EPHA6: variants seen among roughly 807,000 people sequenced by gnomAD.
EPHA6 encodes ephrin type-A receptor 6.
A neutral mutation model predicts 112.0 loss-of-function variants in EPHA6; 50 were observed. The observed-to-expected ratio is 0.45, with a 90% CI of 0.36 to 0.56. The LOEUF is 0.56. EPHA6 is among the 20% of genes least tolerant of loss of function. The probability of loss-of-function intolerance (pLI) is 0.00; values close to 1 mark genes in which losing one functional copy is unlikely to be tolerated. For synonymous variants in EPHA6, 529 were observed against 490.7 expected (o/e 1.08, Z -1.03); for missense variants, 1,280 against 1,417.4 (o/e 0.90, Z 1.56).
intron 3 of EPHA6, among the ~76,000 whole-genome samples, chr3:97,093,540 A>C (rs926316114): frequency 6.6e-6 from 1 of 151,862 alleles, no homozygotes; most frequent in African/African-American, 2.4e-5. Context: ...ACACAGGAAG[A>C]CTCCGTCTCA....
At chr3:97,328,039 A>G (rs1371713952) in intron 5 of EPHA6, among the ~76,000 whole-genome samples, 4 of 97,988 alleles carry the variant, frequency 4.1e-5, no homozygotes, top group Non-Finnish European at 7.9e-5. Context: ...GTGTATATAT[A>G]CACACATATA....
At chr3:97,307,915 T>C (rs931972435) in intron 5 of EPHA6, among the ~76,000 whole-genome samples, 1 of 151,744 alleles carries the variant, frequency 6.6e-6, no homozygotes, top group Non-Finnish European at 1.5e-5. Flanking sequence ...ATATTTATCA[T>C]AGACAACATA....
At chr3:97,262,929 A>T (rs1452058518) in intron 5 of EPHA6, among the ~76,000 whole-genome samples, 4 of 152,196 alleles carry the variant, frequency 2.6e-5, no homozygotes, top group Non-Finnish European at 5.9e-5. Context: ...ATAAGTGAAT[A>T]TTCCTTGAAA....
At chr3:97,173,759 A>G (rs544623318) in intron 3 of EPHA6, among the ~76,000 whole-genome samples, 3 of 151,892 alleles carry the variant, frequency 2.0e-5, no homozygotes, top group Admixed American at 1.3e-4. Flanking sequence ...TTAAGTGCAA[A>G]CATGTAAGAG....
intron 2 of EPHA6, among the ~76,000 whole-genome samples, chr3:96,964,563 A>G (rs2042055446): frequency 6.6e-6 from 1 of 152,070 alleles, no homozygotes; most frequent in Non-Finnish European, 1.5e-5. Flanking sequence ...TCTTTGTTAT[A>G]CGATCTGTGT....
intron 14 of EPHA6, among the ~76,000 whole-genome samples, chr3:97,642,420 A>G (rs1211739473): frequency 6.9e-6 from 1 of 144,838 alleles, no homozygotes; most frequent in East Asian, 2.0e-4. Context: ...CTCACCAGCA[A>G]CGGAACAAAG....
chr3:97,126,639 G>A (rs1407355532), intron 3 of EPHA6, among the ~76,000 whole-genome samples: 2 of 151,534 alleles, frequency 1.3e-5, no homozygotes, highest in African/African-American at 4.9e-5. Flanking sequence ...ACTTCTACTA[G>A]GTTCTTATGA....
At chr3:96,893,328 T>C (rs2038085061) in intron 2 of EPHA6, among the ~76,000 whole-genome samples, 1 of 152,210 alleles carries the variant, frequency 6.6e-6, no homozygotes, top group Admixed American at 6.5e-5. Context: ...GTGTATCATG[T>C]TATGTGGACA....
At chr3:97,585,524 T>C (rs2093479600) in intron 11 of EPHA6, among the ~76,000 whole-genome samples, 1 of 152,192 alleles carries the variant, frequency 6.6e-6, no homozygotes, top group Non-Finnish European at 1.5e-5. Flanking sequence ...GAAACTGCAC[T>C]TTTTGCTTCA....
Position 97,460,919 on chromosome 3 carries a change from T to G in EPHA6, c.1894+12189T>G, listed in dbSNP as rs1442101455. On this transcript the variant is annotated intron_variant, in intron 7 of 17. Coordinates refer to ENST00000389672, the MANE Select transcript of EPHA6 (RefSeq NM_001080448.3). ...AAGCCAAGCTCCATTGCAGAATCTG[T>G]GTCCCAGTAAACCCCATCTAAGACA... is the stretch of plus-strand genomic sequence containing the variant. 2.0e-5 allele frequency among the ~76,000 whole-genome samples: 3 copies of G among 152,142 alleles called. No homozygotes were observed. In the East Asian group the frequency reaches 5.8e-4, roughly 29 times the overall value.
intron 1 of EPHA6, among the ~76,000 whole-genome samples, chr3:96,840,597 A>G (rs1313075531): frequency 6.6e-6 from 1 of 152,050 alleles, no homozygotes; most frequent in African/African-American, 2.4e-5. Context: ...ACCACTACCT[A>G]TGTATAGGAT....
At chr3:97,504,145 C>G (rs2092189025) in intron 10 of EPHA6, among the ~76,000 whole-genome samples, 1 of 152,182 alleles carries the variant, frequency 6.6e-6, no homozygotes. Context: ...AGAGATCTCA[C>G]TTGCTGGCCA....
intron 7 of EPHA6, among the ~76,000 whole-genome samples, chr3:97,469,297 T>C (rs1195502379): frequency 1.3e-5 from 2 of 151,646 alleles, no homozygotes; most frequent in Non-Finnish European, 3.0e-5. Flanking sequence ...TATTTTCAAC[T>C]CTCTCTTTGT....
intron 3 of EPHA6, among the ~76,000 whole-genome samples, chr3:97,127,038 C>T (rs925749038): frequency 6.6e-6 from 1 of 151,812 alleles, no homozygotes; most frequent in Non-Finnish European, 1.5e-5. Flanking sequence ...TGGCTGAGGT[C>T]CCTAGAACAA....
At chr3:97,379,004 G>A (rs1237280966) in intron 5 of EPHA6, among the ~76,000 whole-genome samples, 1 of 152,138 alleles carries the variant, frequency 6.6e-6, no homozygotes, top group Non-Finnish European at 1.5e-5. Flanking sequence ...AGGGGCCAGG[G>A]TGGAATGTTA....
At chr3:97,276,225 G>A (rs539910791) in intron 5 of EPHA6, among the ~76,000 whole-genome samples, 10 of 152,278 alleles carry the variant, frequency 6.6e-5, no homozygotes, top group African/African-American at 2.4e-4. Context: ...CTTCCGAGGC[G>A]ATCGGGCAGT....
intron 11 of EPHA6, among the ~76,000 whole-genome samples, chr3:97,557,596 C>A (rs2093129964): frequency 6.6e-6 from 1 of 151,840 alleles, no homozygotes; most frequent in Non-Finnish European, 1.5e-5. Context: ...TGCCATGTAT[C>A]CCTGAGAATA....
chr3:97,446,370 A>G (rs2090346793), intron 6 of EPHA6, among the ~76,000 whole-genome samples: 1 of 152,276 alleles, frequency 6.6e-6, no homozygotes, highest in East Asian at 1.9e-4. Context: ...CTACAGGTAC[A>G]CTTTTGTAGG....
At chr3:97,688,154 C>G (rs368241246) in intron 14 of EPHA6, among the ~76,000 whole-genome samples, 6 of 152,108 alleles carry the variant, frequency 3.9e-5, no homozygotes, top group African/African-American at 1.4e-4. Context: ...ACTCTGTCTT[C>G]CCTGATATGA....
Sources: gnomAD v4.1 joint callset for allele counts (sites outside exome capture counted in the v4.1 genomes callset) on GRCh38, gnomAD v4.1.1 for gene constraint, MANE v1.5 for transcripts, NCBI Gene and HGNC (gene_info 2026-07-23, HGNC 2026-07-21) for gene names.